CUX1: variants seen among roughly 807,000 people sequenced by gnomAD.
CUX1 encodes protein CASP.
A neutral mutation model predicts 158.8 loss-of-function variants in CUX1; 31 were observed. The ratio of observed to expected loss-of-function variants is 0.20; its 90% confidence interval spans 0.15 to 0.26. The LOEUF is 0.26. Among genes scored for constraint, CUX1 ranks in the 10% least tolerant of loss-of-function variants. CUX1 has a pLI of 1.00. For missense variants in CUX1, 1,589 were observed against 2,014.6 expected (o/e 0.79, Z 4.04); for synonymous variants, 879 against 862.1 (o/e 1.02, Z -0.34).
chr7:102,251,451 A>G lies in CUX1; in HGVS notation c.*2409A>G. 6 of 985,456 alleles carry G rather than the reference A, an allele frequency of 6.1e-6. No homozygotes were observed. Among genetic ancestry groups the G allele is most frequent in the Non-Finnish European group, 7.2e-6 (6 of 829,944 alleles). 61.0% of individuals were successfully genotyped at this position (985,456 alleles called of 1,614,324 possible). A position where few individuals can be genotyped will look rare whatever the true frequency, so the allele number is the denominator to read the frequency against. ...TTTCACAAATTTCAAGAGTCACTAC[A>G]CTAAAGACAATGCCTTTTCATGAAT... On this transcript the variant is annotated 3_prime_UTR_variant, in exon 24 of 24. Transcript: ENST00000292535.
chr7:101,897,950 A>G (rs1311154476), intron 1 of CUX1, among the ~76,000 whole-genome samples: 3 of 152,114 alleles, frequency 2.0e-5, no homozygotes, highest in Admixed American at 1.3e-4. Context: ...CAGTGCTTGA[A>G]ATAAACCACC....
At chr7:102,101,479 G>C (rs1829770837) in intron 5 of CUX1, among the ~76,000 whole-genome samples, 1 of 152,196 alleles carries the variant, frequency 6.6e-6, no homozygotes, top group Admixed American at 6.5e-5. Flanking sequence ...ACTCACCCGG[G>C]TCCAGGGGGT....
chr7:102,249,840 TAAAAC>T lies in CUX1; in HGVS notation c.*800_*804del, dbSNP rs1247261766. 1.0e-6 allele frequency: 1 copy of T among 985,530 alleles called. No homozygotes were observed. Among genetic ancestry groups the T allele is most frequent in the African/African-American group, 1.7e-5 (1 of 57,240 alleles). The allele number at this position is 985,530 out of a possible 1,614,324, so 61.0% of individuals were successfully genotyped here. A position where few individuals can be genotyped will look rare whatever the true frequency, so the allele number is the denominator to read the frequency against. On this transcript the variant is annotated 3_prime_UTR_variant, in exon 24 of 24. Transcript: ENST00000292535. ...TCTCGTTTGAAACTTTGAATTAAAA[TAAAAC>T]ACATTTACTCCACATATTTTTTAAC... is the stretch of plus-strand genomic sequence containing the variant.
intron 1 of CUX1, among the ~76,000 whole-genome samples, chr7:101,825,753 CTG>C (rs537662700): frequency 0.043 from 5,509 of 129,452 alleles, 160 homozygotes; most frequent in Non-Finnish European, 0.057. Flanking sequence ...TTAATGAAAT[CTG>C]TGTGTGTGTG....
intron 7 of CUX1, among the ~76,000 whole-genome samples, chr7:102,112,498 C>T (rs966779843): frequency 6.6e-6 from 1 of 152,098 alleles, no homozygotes; most frequent in Non-Finnish European, 1.5e-5. Flanking sequence ...ACCTCAGGCT[C>T]CCAAAGTGCT....
At position 102,234,345 on chromosome 7, in the gene CUX1, C is replaced by T. The variant is rs1799315084; in HGVS notation, c.3622+105C>T. 2 of 1,122,718 alleles carry T rather than the reference C, an allele frequency of 1.8e-6. 1 individual carries two copies. The highest frequency in any genetic ancestry group is 5.0e-5 in the South Asian group (2 of 39,684). The allele number at this position is 1,122,718 out of a possible 1,614,324, so 69.5% of individuals were successfully genotyped here. On this transcript the variant is annotated intron_variant, in intron 22 of 23. Coordinates refer to ENST00000292535, the MANE Select transcript of CUX1 (RefSeq NM_181552.4). ...CTGATGAGGGACATTGACCCATGAC[C>T]AAGGGACCAGAGGACAGGGCAAAAA...
In CUX1 at chr7:102,201,509, A is replaced by G. The variant is rs1554519711; in HGVS notation, c.2212A>G (p.Ile738Val). 6.2e-7 allele frequency: 1 copy of G among 1,614,090 alleles called. No individual in the cohort carries two copies. The highest frequency in any genetic ancestry group is 8.5e-7 in the Non-Finnish European group (1 of 1,180,010). The change falls in exon 18 of 24, where the codon ATC becomes GTC. Residue 738 changes from isoleucine to valine, a missense_variant. By Grantham distance (29) the Ile-to-Val change is conservative. Transcript: ENST00000292535. This position sits in a 1 kb window ranked among gnomAD's most constrained non-coding sequence, Gnocchi z 5.0. ...LKQAPLSQSD[I>V]TILTPKLLST... is the part of the protein sequence containing the mutation. ...GCAGGCACCACTGTCCCAGAGTGAC[A>G]TCACCATCCTCACCCCCAAGCTTCT... is the stretch of plus-strand genomic sequence containing the variant.
At chr7:102,014,858 CA>C (rs59972216) in intron 2 of CUX1, among the ~76,000 whole-genome samples, 176 of 127,914 alleles carry the variant, frequency 1.4e-3, no homozygotes, top group Admixed American at 2.1e-3. Context: ...CCCCAACCAC[CA>C]AAAAAAAAAA....
At chr7:102,146,405 C>T (rs937005660) in intron 8 of CUX1, among the ~76,000 whole-genome samples, 1 of 152,082 alleles carries the variant, frequency 6.6e-6, no homozygotes, top group Non-Finnish European at 1.5e-5. Context: ...AAGTTGACCC[C>T]GCACGTGCCG....
chr7:102,129,438 C>T (rs1252636150), intron 8 of CUX1, among the ~76,000 whole-genome samples: 2 of 152,156 alleles, frequency 1.3e-5, no homozygotes, highest in African/African-American at 2.4e-5. Context: ...AATCCCAGCA[C>T]TTTGGGAGGC....
chr7:102,234,001 G>C, intron 21 of CUX1, 51 bp from the exon 22 acceptor site: 1 of 1,386,212 alleles, frequency 7.2e-7, no homozygotes. Context: ...TGTCCCTTCA[G>C]ATCCCTGGCT....
chr7:102,139,923 C>T (rs782154885), intron 8 of CUX1, among the ~76,000 whole-genome samples: 1 of 152,102 alleles, frequency 6.6e-6, no homozygotes, highest in Non-Finnish European at 1.5e-5. Flanking sequence ...CCCACCTGAG[C>T]CTCCCAAAGT....
At chr7:102,178,805 G>A (rs1302361550) in intron 11 of CUX1, 148 bp downstream of exon 11, 20 of 802,030 alleles carry the variant, frequency 2.5e-5, no homozygotes, top group African/African-American at 1.0e-4. Flanking sequence ...GCAGAGTCCC[G>A]GAGTCCATGG....
intron 2 of CUX1, among the ~76,000 whole-genome samples, chr7:102,006,546 G>A (rs185342858): frequency 8.7e-4 from 133 of 152,116 alleles, no homozygotes; most frequent in African/African-American, 2.8e-3. Context: ...ACAGGAGCGC[G>A]CCACCACACC....
intron 4 of CUX1, among the ~76,000 whole-genome samples, chr7:102,091,569 A>G (rs1554482234): frequency 1.3e-5 from 2 of 152,146 alleles, no homozygotes; most frequent in Non-Finnish European, 2.9e-5. Flanking sequence ...TGCTGGCCTC[A>G]AGTGATCCTC....
intron 2 of CUX1, among the ~76,000 whole-genome samples, chr7:102,010,268 G>T (rs917798683): frequency 1.3e-5 from 2 of 151,980 alleles, no homozygotes; most frequent in African/African-American, 4.8e-5. Flanking sequence ...GGTGGTGAGT[G>T]CCTGTAGCCC....
intron 5 of CUX1, among the ~76,000 whole-genome samples, chr7:102,099,918 C>T (rs1158814661): frequency 2.6e-5 from 4 of 151,936 alleles, no homozygotes; most frequent in African/African-American, 7.3e-5. Context: ...TGTGGATGTT[C>T]TCTCCCCAAA....
rs944060170 is a variant in CUX1 at position 102,274,777 on chromosome 7, G to A, written c.1450+467G>A. 1.5e-4 allele frequency among the ~76,000 whole-genome samples: 23 copies of A among 152,232 alleles called. 1 individual carries two copies. The highest frequency in any genetic ancestry group is 4.1e-4 in the South Asian group (2 of 4,832). On this transcript the variant is annotated intron_variant, in intron 16 of 22. Transcript: ENST00000292538. ...ACTGCCAAAGTGCAGCCGGAGGTCC[G>A]TGCAGTGAGGGGAAGGCAGCCTCCT...
chr7:102,092,912 CAAAAAAAAA>C (rs60587564), intron 4 of CUX1, among the ~76,000 whole-genome samples: 2 of 74,958 alleles, frequency 2.7e-5, no homozygotes, highest in East Asian at 6.3e-4. Flanking sequence ...GACTCCGTCT[CAAAAAAAAA>C]AAAAAAAAAA....
Sources: allele counts gnomAD v4.1 joint callset (sites outside exome capture counted in the v4.1 genomes callset), GRCh38; gene constraint gnomAD v4.1.1; non-coding constraint Gnocchi (gnomAD v3.1); transcripts MANE v1.5; gene names NCBI Gene and HGNC (gene_info 2026-07-23, HGNC 2026-07-21).